Variants in TESK2 observed in about 807,000 individuals in gnomAD.
TESK2 encodes the protein testis associated actin remodelling kinase 2.
Under a neutral mutation model 57.1 loss-of-function variants are expected in TESK2, and 39 were observed. That is an observed-to-expected ratio of 0.68 (90% CI 0.53 to 0.89). The LOEUF (loss-of-function observed/expected upper bound fraction) is 0.89. TESK2 is among the 40% of genes least tolerant of loss of function. The pLI is 0.00. For missense variants in TESK2, 646 were observed against 732.1 expected (o/e 0.88, Z 1.36); for synonymous variants, 249 against 267.9 (o/e 0.93, Z 0.69).
At chr1:45,432,300 G>C (rs1650998929) in intron 2 of TESK2, among the ~76,000 whole-genome samples, 1 of 151,940 alleles carries the variant, frequency 6.6e-6, no homozygotes, top group Non-Finnish European at 1.5e-5. Flanking sequence ...CTTCCAAAGT[G>C]CTAGGATTAC....
chr1:45,486,273 C>T (rs1653472411), intron 1 of TESK2, among the ~76,000 whole-genome samples: 1 of 152,132 alleles, frequency 6.6e-6, no homozygotes, highest in South Asian at 2.1e-4. Context: ...CCATAAATGC[C>T]TTTACCATAG....
rs768723232 is a variant in TESK2 at position 45,347,615 on chromosome 1, A to C, written c.702T>G (p.Asn234Lys). 6.2e-7 allele frequency: 1 copy of C among 1,613,520 alleles called. No individual in the cohort carries two copies. The highest frequency in any genetic ancestry group is 8.5e-7 in the Non-Finnish European group (1 of 1,179,858). ...APEVLRDEPY[N>K]EKADVFSYGI... ...TGAGATCCTCCAAACTTACCTTTTC[A>C]TTATAGGGCTCATCTCGGAGAACCT... The change falls in exon 7 of 11, where the codon AAT (asparagine) becomes AAG (lysine). Residue 234 changes from asparagine to lysine, a missense_variant. Asn to Lys is a moderately conservative substitution (Grantham distance 94). Coordinates refer to ENST00000372086, the MANE Select transcript of TESK2 (RefSeq NM_007170.3).
At chr1:45,407,776 C>A (rs1434227894) in intron 3 of TESK2, among the ~76,000 whole-genome samples, 1 of 152,170 alleles carries the variant, frequency 6.6e-6, no homozygotes, top group Non-Finnish European at 1.5e-5. Context: ...TCCATTAAAC[C>A]TCTTTCCTTT....
intron 1 of TESK2, among the ~76,000 whole-genome samples, chr1:45,477,981 C>T (rs746544932): frequency 2.0e-5 from 3 of 152,128 alleles, no homozygotes; most frequent in Non-Finnish European, 2.9e-5. Context: ...GTCTTCCTAG[C>T]TCCACTCTCA....
chr1:45,487,836 G>A (rs1048585086), intron 1 of TESK2, among the ~76,000 whole-genome samples: 3 of 152,014 alleles, frequency 2.0e-5, no homozygotes, highest in East Asian at 3.9e-4. Context: ...TGAAGAAAGT[G>A]TAAAATCCAT....
intron 5 of TESK2, among the ~76,000 whole-genome samples, chr1:45,354,815 A>AAAATAT (rs1647348155): frequency 2.5e-5 from 1 of 40,674 alleles, no homozygotes; most frequent in African/African-American, 1.2e-4. Context: ...AAAAAAAAAA[A>AAAATAT]ATATATATAT....
intron 3 of TESK2, among the ~76,000 whole-genome samples, chr1:45,407,778 CT>C (rs1195923554): frequency 6.6e-6 from 1 of 152,202 alleles, no homozygotes; most frequent in South Asian, 2.1e-4. Context: ...CATTAAACCT[CT>C]TTCCTTTATA....
chr1:45,490,065 T>G (rs1276933666), intron 1 of TESK2, among the ~76,000 whole-genome samples: 2 of 152,200 alleles, frequency 1.3e-5, no homozygotes, highest in African/African-American at 2.4e-5. Context: ...CACACTCGTT[T>G]TCTGCCTACC....
At chr1:45,417,393 G>A (rs775393911) in intron 3 of TESK2, among the ~76,000 whole-genome samples, 17 of 152,006 alleles carry the variant, frequency 1.1e-4, no homozygotes, top group East Asian at 3.9e-4. Flanking sequence ...CACCACACCC[G>A]GCTAATTTTA....
intron 3 of TESK2, among the ~76,000 whole-genome samples, chr1:45,391,173 C>T (rs970346313): frequency 6.6e-6 from 1 of 151,570 alleles, no homozygotes; most frequent in African/African-American, 2.4e-5. Flanking sequence ...CCCTCAGCCT[C>T]CCAAAGTGCT....
chr1:45,441,405 G>A (rs1412252529), intron 2 of TESK2, among the ~76,000 whole-genome samples: 1 of 152,008 alleles, frequency 6.6e-6, no homozygotes. Context: ...TCGAACTCCT[G>A]ACCTCAGGTG....
At chr1:45,440,493 C>T (rs1477201402) in intron 2 of TESK2, among the ~76,000 whole-genome samples, 1 of 151,996 alleles carries the variant, frequency 6.6e-6, no homozygotes, top group Non-Finnish European at 1.5e-5. Context: ...GCAGGTGGAT[C>T]ACTTGAGGCC....
At chr1:45,367,737 A>C (rs1273225578) in intron 4 of TESK2, among the ~76,000 whole-genome samples, 1 of 144,642 alleles carries the variant, frequency 6.9e-6, no homozygotes, top group Non-Finnish European at 1.5e-5. Flanking sequence ...GGCTCACTGC[A>C]ACCTCTGCCT....
chr1:45,473,317 C>CA (rs1344146442), intron 1 of TESK2, among the ~76,000 whole-genome samples: 1 of 151,496 alleles, frequency 6.6e-6, no homozygotes, highest in Non-Finnish European at 1.5e-5. Flanking sequence ...ATATACAGGA[C>CA]AAAAAAAGGA....
chr1:45,377,326 A>G (rs1156535335), intron 4 of TESK2, among the ~76,000 whole-genome samples: 1 of 152,204 alleles, frequency 6.6e-6, no homozygotes, highest in Non-Finnish European at 1.5e-5. Flanking sequence ...ACAAAGAAGA[A>G]AATAGGAAAA....
At chr1:45,428,483 A>G (rs1273021260) in intron 2 of TESK2, among the ~76,000 whole-genome samples, 3 of 152,090 alleles carry the variant, frequency 2.0e-5, no homozygotes, top group African/African-American at 7.2e-5. Context: ...ATGTAAGGCA[A>G]ATGTGACAAA....
chr1:45,428,543 C>A (rs1650793191), intron 2 of TESK2, among the ~76,000 whole-genome samples: 1 of 152,012 alleles, frequency 6.6e-6, no homozygotes, highest in African/African-American at 2.4e-5. Context: ...CACTCTGTCA[C>A]CCATGTTTGA....
At chr1:45,433,138 A>G (rs113069881) in intron 2 of TESK2, among the ~76,000 whole-genome samples, 1 of 125,832 alleles carries the variant, frequency 7.9e-6, no homozygotes, top group African/African-American at 3.1e-5. Flanking sequence ...GCAGTGGTGC[A>G]ATCTCGGCTC....
chr1:45,379,360 C>T (rs1322162424), intron 4 of TESK2, among the ~76,000 whole-genome samples: 2 of 152,204 alleles, frequency 1.3e-5, no homozygotes, highest in African/African-American at 2.4e-5. Flanking sequence ...GATAAGGTCT[C>T]ACTATGCTGC....
Sources: allele counts gnomAD v4.1 joint callset (sites outside exome capture counted in the v4.1 genomes callset), GRCh38; gene constraint gnomAD v4.1.1; transcripts MANE v1.5; gene names NCBI Gene and HGNC (gene_info 2026-07-23, HGNC 2026-07-21).